Variants in ZNF395 observed in about 807,000 individuals in gnomAD.
ZNF395 encodes the protein zinc finger protein 395, also known as HD gene regulatory region-binding protein 2.
A neutral mutation model predicts 57.7 loss-of-function variants in ZNF395; 20 were observed. The observed-to-expected ratio is 0.35, with a 90% CI of 0.24 to 0.50. The LOEUF (loss-of-function observed/expected upper bound fraction) is 0.50, where lower values mean the gene tolerates loss of function less well. Ranked by LOEUF, ZNF395 falls within the 20% of genes least tolerant of loss-of-function variation. The pLI is 0.97. For synonymous variants in ZNF395, 295 were observed against 275.9 expected (o/e 1.07, Z -0.69); for missense variants, 606 against 671.2 (o/e 0.90, Z 1.07).
intron 3 of ZNF395, among the ~76,000 whole-genome samples, chr8:28,358,151 C>CT (rs746800075): frequency 0.017 from 1,697 of 101,062 alleles, 16 homozygotes; most frequent in Non-Finnish European, 0.023. Context: ...TCTTTTTTTT[C>CT]TTTTTTTTTT....
intron 1 of ZNF395, among the ~76,000 whole-genome samples, chr8:28,362,091 C>CAAAA (rs111833441): frequency 8.0e-6 from 1 of 124,992 alleles, no homozygotes; most frequent in African/African-American, 2.8e-5. Flanking sequence ...GACTCAGACT[C>CAAAA]AAAAAAAAAA....
chr8:28,382,647 C>T (rs1563344326), intron 1 of ZNF395, among the ~76,000 whole-genome samples: 1 of 152,186 alleles, frequency 6.6e-6, no homozygotes, highest in Non-Finnish European at 1.5e-5. Context: ...ATTTAATCAT[C>T]TTGGCTTGCT....
At chr8:28,368,591 C>T (rs1801939511) in intron 1 of ZNF395, 1 of 151,028 alleles carries the variant, frequency 6.6e-6, no homozygotes. Flanking sequence ...TGGGGGGATC[C>T]AGAGGAAGAG....
chr8:28,351,427 C>A, intron 7 of ZNF395, 68 bp downstream of exon 7: 1 of 1,494,646 alleles, frequency 6.7e-7, no homozygotes, highest in Non-Finnish European at 9.0e-7. Context: ...TGGTCGGTAG[C>A]CTGTAATCAA....
At chr8:28,371,085 G>A (rs532072973) in intron 1 of ZNF395, among the ~76,000 whole-genome samples, 5 of 152,310 alleles carry the variant, frequency 3.3e-5, no homozygotes, top group African/African-American at 1.2e-4. Context: ...TTACAGATGA[G>A]CAAACTGAAT....
chr8:28,355,953 G>C (rs2129950174), intron 4 of ZNF395, among the ~76,000 whole-genome samples: 1 of 149,082 alleles, frequency 6.7e-6, no homozygotes, highest in South Asian at 2.1e-4. Context: ...TTGCAATTCA[G>C]TTAGGTGTCC....
chr8:28,357,341 C>CA, intron 3 of ZNF395, among the ~76,000 whole-genome samples: 1 of 152,108 alleles, frequency 6.6e-6, no homozygotes, highest in African/African-American at 2.4e-5. Flanking sequence ...ACCTACTACC[C>CA]AAGCCAATGT....
chr8:28,384,842 A>G (rs1172561867), intron 1 of ZNF395, among the ~76,000 whole-genome samples: 1 of 152,186 alleles, frequency 6.6e-6, no homozygotes, highest in African/African-American at 2.4e-5. Flanking sequence ...GTAAACTCCT[A>G]AATCACTTCC....
intron 1 of ZNF395, 136 bp from the exon 2 acceptor site, chr8:28,361,318 G>A: frequency 1.3e-6 from 1 of 752,086 alleles, no homozygotes; most frequent in Non-Finnish European, 2.1e-6. Context: ...ATTCCTAGTA[G>A]GACAATCGGA....
intron 1 of ZNF395, among the ~76,000 whole-genome samples, chr8:28,361,991 T>TGAGACAGGAGAATTGCTTG (rs976928793): frequency 2.0e-5 from 3 of 151,222 alleles, no homozygotes; most frequent in African/African-American, 7.3e-5. Flanking sequence ...CTCGGGATGC[T>TGAGACAGGAGAATTGCTTG]GAGACAGGAG....
At chr8:28,367,598 C>T (rs559761780) in intron 1 of ZNF395, among the ~76,000 whole-genome samples, 4 of 152,310 alleles carry the variant, frequency 2.6e-5, no homozygotes, top group South Asian at 4.1e-4. Context: ...TACACTTCCC[C>T]TTCCTTCACA....
chr8:28,371,351 T>C (rs1801974093), intron 1 of ZNF395, among the ~76,000 whole-genome samples: 1 of 152,196 alleles, frequency 6.6e-6, no homozygotes, highest in Non-Finnish European at 1.5e-5. Context: ...TGACTCATTT[T>C]TGTATTTTTT....
rs1160718033 is a variant in ZNF395 at position 28,356,438 on chromosome 8, C to T, written c.583+232G>A. Among the ~76,000 whole-genome samples the T allele has an allele frequency of 6.6e-6, 1 of 152,250 alleles. No individual in the cohort carries two copies. Among genetic ancestry groups the T allele is most frequent in the African/African-American group, 2.4e-5 (1 of 41,464 alleles). ...CTGGCCACTGCAGCTCAGTCCCATGCTCAACCATCTTCACAATGTACCAGG... is the reference window on the plus strand; with the variant it reads ...CTGGCCACTGCAGCTCAGTCCCATGTTCAACCATCTTCACAATGTACCAGG... On this transcript the variant is annotated intron_variant, in intron 4 of 9. Coordinates refer to ENST00000344423, the MANE Select transcript of ZNF395 (RefSeq NM_018660.3). The surrounding 1 kb of genome is among the most constrained non-coding windows in gnomAD (Gnocchi z 4.0).
chr8:28,363,964 C>T (rs567760037), intron 1 of ZNF395, among the ~76,000 whole-genome samples: 1 of 152,226 alleles, frequency 6.6e-6, no homozygotes, highest in East Asian at 1.9e-4. Flanking sequence ...GAATTCCACA[C>T]CAAAATACAT....
At chr8:28,380,434 T>C (rs1392736889) in intron 1 of ZNF395, among the ~76,000 whole-genome samples, 2 of 152,200 alleles carry the variant, frequency 1.3e-5, no homozygotes, top group South Asian at 4.1e-4. Flanking sequence ...CACTAACAAA[T>C]CTGATGAGCG....
chr8:28,349,534 G>A (rs573116194), intron 8 of ZNF395, among the ~76,000 whole-genome samples: 2 of 152,322 alleles, frequency 1.3e-5, no homozygotes, highest in South Asian at 4.1e-4. Flanking sequence ...CTGCCTCAGT[G>A]GCATCACTGG....
chr8:28,353,777 T>C (rs891184235), intron 4 of ZNF395, among the ~76,000 whole-genome samples: 1 of 151,810 alleles, frequency 6.6e-6, no homozygotes, highest in Non-Finnish European at 1.5e-5. Flanking sequence ...TCTCACTTTA[T>C]ACATTAAATA....
Position 28,356,729 on chromosome 8 carries a change from G to A in ZNF395, c.524C>T (p.Thr175Met), listed in dbSNP as rs369705922. ...TACAACAGGGCTGCAGGACAGGGACGTCAGCACCATGGCCGCCATCATCTC... is the reference window on the plus strand; with the variant it reads ...TACAACAGGGCTGCAGGACAGGGACATCAGCACCATGGCCGCCATCATCTC... ...MDEMMAAMVL[T>M]SLSCSPVVQS... Residue 175 changes from threonine to methionine, a missense_variant, in exon 4 of 10, where the codon ACG becomes ATG. By Grantham distance (81) the Thr-to-Met change is moderately conservative. Transcript: ENST00000344423. This position sits in a 1 kb window ranked among gnomAD's most constrained non-coding sequence, Gnocchi z 4.0. The A allele has an allele frequency of 9.3e-6, 15 of 1,614,100 alleles. No individual in the cohort carries two copies. The highest frequency in any genetic ancestry group is 1.3e-5 in the African/African-American group (1 of 74,944).
At chr8:28,381,955 A>T (rs1282621518) in intron 1 of ZNF395, among the ~76,000 whole-genome samples, 3 of 152,126 alleles carry the variant, frequency 2.0e-5, no homozygotes, top group Non-Finnish European at 4.4e-5. Flanking sequence ...GCCTAAAACA[A>T]ATCCGGTGCA....
Sources: gnomAD v4.1 joint callset for allele counts (sites outside exome capture counted in the v4.1 genomes callset) on GRCh38, gnomAD v4.1.1 for gene constraint, Gnocchi (gnomAD v3.1) non-coding constraint, MANE v1.5 for transcripts, NCBI Gene and HGNC (gene_info 2026-07-23, HGNC 2026-07-21) for gene names.